GPATCH8: variants seen among roughly 807,000 people sequenced by gnomAD.
GPATCH8 encodes the protein G patch domain-containing protein 8.
GPATCH8 carries 18 observed loss-of-function variants against 118.3 expected under a neutral mutation model. The observed-to-expected ratio is 0.15, with a 90% CI of 0.11 to 0.23. The LOEUF (loss-of-function observed/expected upper bound fraction) is 0.23, where lower values mean the gene tolerates loss of function less well. GPATCH8 is among the 10% of genes least tolerant of loss of function. GPATCH8 has a pLI of 1.00. For missense variants in GPATCH8, 1,631 were observed against 1,873.8 expected, an observed-to-expected ratio of 0.87 and a Z score of 2.39; for synonymous variants, 659 against 684.7, an observed-to-expected ratio of 0.96 and a Z score of 0.59.
intron 1 of GPATCH8, among the ~76,000 whole-genome samples, chr17:44,489,077 A>C (rs1408580573): frequency 2.6e-5 from 4 of 152,002 alleles, no homozygotes; most frequent in Non-Finnish European, 4.4e-5. Context: ...ACAAAAACAA[A>C]AACAAACAAA....
intron 1 of GPATCH8, among the ~76,000 whole-genome samples, chr17:44,485,158 TG>T (rs1968677167): frequency 6.6e-6 from 1 of 152,104 alleles, no homozygotes; most frequent in Admixed American, 6.6e-5. Flanking sequence ...TCATCCATGT[TG>T]GAGTGCAGTG....
At chr17:44,461,138 C>T (rs531401979) in intron 3 of GPATCH8, among the ~76,000 whole-genome samples, 1 of 152,190 alleles carries the variant, frequency 6.6e-6, no homozygotes, top group East Asian at 1.9e-4. Context: ...GATTAAGATG[C>T]TAAATTTTAT....
chr17:44,413,904 G>A (rs544479561), intron 6 of GPATCH8, among the ~76,000 whole-genome samples: 35 of 152,124 alleles, frequency 2.3e-4, no homozygotes, highest in East Asian at 1.2e-3. Context: ...ATAGGTGTGA[G>A]CCACTGTGCC....
At chr17:44,405,213 T>C (rs1363264760) in intron 7 of GPATCH8, among the ~76,000 whole-genome samples, 1 of 151,354 alleles carries the variant, frequency 6.6e-6, no homozygotes, top group Non-Finnish European at 1.5e-5. Flanking sequence ...ATAATTCTTT[T>C]TTTTTTTTTT....
chr17:44,463,883 T>C (rs534538601), intron 3 of GPATCH8, among the ~76,000 whole-genome samples: 1 of 152,272 alleles, frequency 6.6e-6, no homozygotes, highest in Admixed American at 6.5e-5. Context: ...CTTTAAGCCA[T>C]ACATTTTCCA....
intron 1 of GPATCH8, among the ~76,000 whole-genome samples, chr17:44,478,470 G>C (rs1967944381): frequency 6.6e-6 from 1 of 152,000 alleles, no homozygotes; most frequent in African/African-American, 2.4e-5. Context: ...GGGCAACATA[G>C]CGAGCAAGAC....
At chr17:44,472,185 A>T (rs906645157) in intron 2 of GPATCH8, among the ~76,000 whole-genome samples, 3 of 152,166 alleles carry the variant, frequency 2.0e-5, no homozygotes, top group Admixed American at 2.0e-4. Context: ...TCATTTATTT[A>T]AAAAAATTAA....
rs758281471 is a variant in GPATCH8 at position 44,397,511 on chromosome 17, C to G, written c.*57G>C. The stretch of plus-strand genomic sequence containing the variant: ...GCTGGTATTAATGGCTCAACACCCC[C>G]AAGGGAACATTTATGGGTCTCCTCC... On this transcript the variant is annotated 3_prime_UTR_variant, in exon 8 of 8. Transcript: ENST00000591680. 19 of 1,207,784 alleles carry G rather than the reference C, an allele frequency of 1.6e-5. No homozygotes were observed. The highest frequency in any genetic ancestry group is 2.2e-5 in the Non-Finnish European group (18 of 811,550). The allele number at this position is 1,207,784 out of a possible 1,614,324, so 74.8% of individuals were successfully genotyped here. A position where few individuals can be genotyped will look rare whatever the true frequency, so the allele number is the denominator to read the frequency against.
intron 5 of GPATCH8, among the ~76,000 whole-genome samples, chr17:44,427,973 C>A (rs2050149025): frequency 6.6e-6 from 1 of 152,110 alleles, no homozygotes; most frequent in Non-Finnish European, 1.5e-5. Flanking sequence ...CACTTTGAGA[C>A]CACATAATAA....
At chr17:44,444,230 GA>G (rs1395627200) in intron 3 of GPATCH8, among the ~76,000 whole-genome samples, 1 of 138,952 alleles carries the variant, frequency 7.2e-6, no homozygotes, top group Non-Finnish European at 1.5e-5. Flanking sequence ...AGATAATAAA[GA>G]GAATTCATGA....
At chr17:44,433,602 A>G (rs2050394879) in intron 5 of GPATCH8, among the ~76,000 whole-genome samples, 1 of 152,216 alleles carries the variant, frequency 6.6e-6, no homozygotes, top group African/African-American at 2.4e-5. Context: ...CCCAAAGGAG[A>G]AAATTTAACC....
At chr17:44,435,696 C>T (rs1244270705) in intron 4 of GPATCH8, among the ~76,000 whole-genome samples, 4 of 143,082 alleles carry the variant, frequency 2.8e-5, no homozygotes, top group East Asian at 2.3e-4. Flanking sequence ...GGATTACAGG[C>T]GTGAGCCACT....
chr17:44,469,818 G>C (rs1967127430), intron 2 of GPATCH8, among the ~76,000 whole-genome samples: 1 of 152,210 alleles, frequency 6.6e-6, no homozygotes, highest in Non-Finnish European at 1.5e-5. Context: ...TCAGCTCCAA[G>C]AAGCACATTA....
intron 3 of GPATCH8, among the ~76,000 whole-genome samples, chr17:44,451,672 T>C (rs1408868949): frequency 2.0e-5 from 3 of 152,174 alleles, no homozygotes; most frequent in African/African-American, 7.2e-5. Flanking sequence ...CATCCCTAAA[T>C]ATTTGGCAAA....
In GPATCH8 at chr17:44,495,108, G is replaced by A. The variant is rs138532923; in HGVS notation, c.45+8218C>T. On this transcript the variant is annotated intron_variant, in intron 1 of 7. Transcript: ENST00000591680. The stretch of plus-strand genomic sequence containing the variant: ...CCAGCACATTGGGAGGCCAAGGCGG[G>A]CAGATCACTGGAGGTGGGAGTTCAA... 8.9e-3 allele frequency among the ~76,000 whole-genome samples: 1,357 copies of A among 152,236 alleles called. 23 individuals are homozygous for A. The highest frequency in any genetic ancestry group is 0.029 in the African/African-American group (1,221 of 41,544).
chr17:44,410,101 T>C (rs879840376), intron 6 of GPATCH8, among the ~76,000 whole-genome samples: 4 of 152,216 alleles, frequency 2.6e-5, no homozygotes, highest in Admixed American at 2.6e-4. Context: ...CAGAAACTTC[T>C]CAGCTTCCTA....
Position 44,401,397 on chromosome 17 carries a change from C to T in GPATCH8, c.680G>A (p.Gly227Asp). 1.9e-6 allele frequency: 3 copies of T among 1,613,318 alleles called. No homozygotes were observed. The highest frequency in any genetic ancestry group is 8.5e-7 in the Non-Finnish European group (1 of 1,179,264). The stretch of plus-strand genomic sequence containing the variant: ...TGATTCATCTTTATCATCTTCTCCA[C>T]CTTCTTCATCTACAGCCACTGTGGT... ...KPTTVAVDEE[G>D]GEDDKDESAT... Residue 227 changes from glycine (G) to aspartate (D), a missense_variant, in exon 8 of 8, where the codon GGT (glycine) becomes GAT (aspartate). Around this residue, in one of 8 missense-constraint regions of GPATCH8, gnomAD observed 405 missense variants for 462.7 expected, o/e 0.88. Coordinates refer to ENST00000591680, the MANE Select transcript of GPATCH8 (RefSeq NM_001002909.4).
intron 6 of GPATCH8, among the ~76,000 whole-genome samples, chr17:44,420,795 C>T (rs1313716420): frequency 3.3e-5 from 5 of 152,106 alleles, no homozygotes; most frequent in African/African-American, 1.2e-4. Flanking sequence ...ATCTGTTTTG[C>T]TTTTTTTCCC....
intron 6 of GPATCH8, among the ~76,000 whole-genome samples, chr17:44,415,607 T>C (rs995256375): frequency 1.3e-5 from 2 of 152,194 alleles, no homozygotes; most frequent in African/African-American, 4.8e-5. Flanking sequence ...TGAAGGCGGA[T>C]AAGTCATAAG....
Sources: gnomAD v4.1 joint callset for allele counts (sites outside exome capture counted in the v4.1 genomes callset) on GRCh38, gnomAD v4.1.1 for gene constraint, gnomAD v4.1.1 regional missense constraint, MANE v1.5 for transcripts, NCBI Gene and HGNC (gene_info 2026-07-23, HGNC 2026-07-21) for gene names.